GUCY1A2: variants seen among roughly 807,000 people sequenced by gnomAD.
GUCY1A2 encodes guanylate cyclase soluble subunit alpha-2.
GUCY1A2 carries 27 observed loss-of-function variants against 63.5 expected under a neutral mutation model. That is an observed-to-expected ratio of 0.43 (90% CI 0.31 to 0.59). The LOEUF (loss-of-function observed/expected upper bound fraction) is 0.59. Among genes scored for constraint, GUCY1A2 ranks in the 20% least tolerant of loss-of-function variants. The pLI is 0.11. For synonymous variants in GUCY1A2, 364 were observed against 343.5 expected (o/e 1.06, Z -0.66); for missense variants, 768 against 913.3 (o/e 0.84, Z 2.05).
At chr11:106,802,808 C>T (rs1235651645) in intron 5 of GUCY1A2, among the ~76,000 whole-genome samples, 2 of 152,092 alleles carry the variant, frequency 1.3e-5, no homozygotes, top group Non-Finnish European at 2.9e-5. Context: ...TTGAAGTCCC[C>T]ACCTTCAAGA....
At chr11:106,922,144 C>G (rs1260698416) in intron 4 of GUCY1A2, among the ~76,000 whole-genome samples, 1 of 152,098 alleles carries the variant, frequency 6.6e-6, no homozygotes, top group Non-Finnish European at 1.5e-5. Context: ...GGTGCTAGCA[C>G]CACAGCATAT....
chr11:106,860,538 A>T (rs1222677257), intron 4 of GUCY1A2, among the ~76,000 whole-genome samples: 1 of 152,064 alleles, frequency 6.6e-6, no homozygotes, highest in East Asian at 1.9e-4. Flanking sequence ...GTATTTTACC[A>T]TATTGTATCT....
intron 4 of GUCY1A2, among the ~76,000 whole-genome samples, chr11:106,914,861 C>T (rs1345999756): frequency 6.6e-6 from 1 of 152,044 alleles, no homozygotes; most frequent in Admixed American, 6.6e-5. Context: ...TAAGTTGTCA[C>T]TCCATCTTCC....
intron 5 of GUCY1A2, among the ~76,000 whole-genome samples, chr11:106,789,676 AG>A (rs1441514011): frequency 6.6e-6 from 1 of 152,162 alleles, no homozygotes; most frequent in Non-Finnish European, 1.5e-5. Flanking sequence ...TTGTGATCTA[AG>A]CCCTAGATCT....
At chr11:106,946,279 G>A (rs1311961452) in intron 3 of GUCY1A2, among the ~76,000 whole-genome samples, 5 of 152,018 alleles carry the variant, frequency 3.3e-5, no homozygotes, top group Non-Finnish European at 1.5e-5. Context: ...ATAATGAAAT[G>A]GGAAATTGGA....
At chr11:106,763,111 A>G (rs1864092916) in intron 6 of GUCY1A2, among the ~76,000 whole-genome samples, 1 of 152,170 alleles carries the variant, frequency 6.6e-6, no homozygotes. Context: ...AAAAGGCAAT[A>G]CATAAATAAT....
At chr11:106,723,836 G>T (rs952340444) in intron 6 of GUCY1A2, among the ~76,000 whole-genome samples, 1 of 151,682 alleles carries the variant, frequency 6.6e-6, no homozygotes, top group African/African-American at 2.4e-5. Flanking sequence ...AAAAAAAAAA[G>T]TAAAAATATG....
chr11:106,855,233 G>A (rs1020447594), intron 4 of GUCY1A2, among the ~76,000 whole-genome samples: 1 of 152,144 alleles, frequency 6.6e-6, no homozygotes, highest in Non-Finnish European at 1.5e-5. Context: ...TGAGTGCTGA[G>A]TGGCTCTCTT....
chr11:106,767,153 A>ATAGAT (rs1299392145), intron 6 of GUCY1A2, among the ~76,000 whole-genome samples: 8 of 152,236 alleles, frequency 5.3e-5, no homozygotes, highest in African/African-American at 1.9e-4. Flanking sequence ...AATACATGAA[A>ATAGAT]TAGATTATAA....
In GUCY1A2 at chr11:106,953,777, C is replaced by T. The variant is rs151042662; in HGVS notation, c.488-13599G>A. ...AGGGTGTATGTGTCCAGGAATTTAT[C>T]CATTTCTTCTAGATTTTCTAGTTTA... On this transcript the variant is annotated intron_variant, in intron 3 of 7. Transcript: ENST00000526355. Among the ~76,000 whole-genome samples the T allele has an allele frequency of 4.9e-3, 748 of 151,826 alleles. 8 individuals carry two copies. The highest frequency in any genetic ancestry group is 0.017 in the African/African-American group (711 of 41,484).
chr11:106,944,323 G>A (rs531208990), intron 3 of GUCY1A2, among the ~76,000 whole-genome samples: 14 of 149,332 alleles, frequency 9.4e-5, no homozygotes, highest in Admixed American at 4.7e-4. Flanking sequence ...GTGCAGGCCC[G>A]CAGTCCCAGC....
chr11:106,692,984 A>C (rs1051313893), intron 7 of GUCY1A2, among the ~76,000 whole-genome samples: 1 of 152,204 alleles, frequency 6.6e-6, no homozygotes, highest in Admixed American at 6.5e-5. Flanking sequence ...ACTGTGTGAA[A>C]TTGGAAAATC....
At chr11:106,722,826 CA>C (rs1863340311) in intron 6 of GUCY1A2, among the ~76,000 whole-genome samples, 2 of 151,754 alleles carry the variant, frequency 1.3e-5, no homozygotes, top group South Asian at 2.1e-4. Context: ...GTGTTGCACA[CA>C]ATGTCAATTT....
At chr11:106,697,101 C>T (rs975689320) in intron 7 of GUCY1A2, among the ~76,000 whole-genome samples, 5 of 152,222 alleles carry the variant, frequency 3.3e-5, no homozygotes, top group Middle Eastern at 3.4e-3. Context: ...TACAAAGCAG[C>T]GTGATCAAAC....
At chr11:106,942,215 CTTTAA>C (rs914479772) in intron 3 of GUCY1A2, among the ~76,000 whole-genome samples, 3 of 152,166 alleles carry the variant, frequency 2.0e-5, no homozygotes, top group Middle Eastern at 3.4e-3. Context: ...GCTGTTTTTC[CTTTAA>C]TTTGACACTA....
chr11:106,836,361 CAA>C (rs371589744), intron 4 of GUCY1A2, among the ~76,000 whole-genome samples: 19 of 151,900 alleles, frequency 1.3e-4, no homozygotes, highest in East Asian at 3.9e-4. Flanking sequence ...TTAAGAAAAT[CAA>C]AAGAGAAAAT....
intron 4 of GUCY1A2, among the ~76,000 whole-genome samples, chr11:106,915,344 A>AGG (rs1860356480): frequency 6.6e-6 from 1 of 150,382 alleles, no homozygotes; most frequent in Admixed American, 6.6e-5. Context: ...GGGGACAGGG[A>AGG]GGGAGGGATT....
chr11:106,857,163 A>C (rs1859448102), intron 4 of GUCY1A2, among the ~76,000 whole-genome samples: 1 of 152,194 alleles, frequency 6.6e-6, no homozygotes, highest in Non-Finnish European at 1.5e-5. Context: ...GTATGGCTTA[A>C]ACAGCATTTA....
chr11:106,793,756 A>G (rs1353823760), intron 5 of GUCY1A2, among the ~76,000 whole-genome samples: 1 of 152,150 alleles, frequency 6.6e-6, no homozygotes, highest in Non-Finnish European at 1.5e-5. Context: ...GAAACAGCTC[A>G]AAATTAGTAA....
Sources: allele counts gnomAD v4.1 joint callset (sites outside exome capture counted in the v4.1 genomes callset), GRCh38; gene constraint gnomAD v4.1.1; transcripts MANE v1.5; gene names NCBI Gene and HGNC (gene_info 2026-07-23, HGNC 2026-07-21).